The following PDE4B variants were observed in gnomAD, a reference collection of about 807,000 sequenced individuals.
PDE4B encodes the protein 3',5'-cyclic-AMP phosphodiesterase 4B.
Under a neutral mutation model 82.2 loss-of-function variants are expected in PDE4B, and 20 were observed. The ratio of observed to expected loss-of-function variants is 0.24; its 90% CI spans 0.17 to 0.35. The LOEUF (loss-of-function observed/expected upper bound fraction) is 0.35. Among genes scored for constraint, PDE4B ranks in the 10% least tolerant of loss-of-function variants. The pLI, the probability that PDE4B is intolerant of heterozygous loss-of-function variation, is 1.00. For missense variants in PDE4B, 655 were observed against 907.2 expected (o/e 0.72, Z 3.57); for synonymous variants, 320 against 318.9 (o/e 1.00, Z -0.04).
intron 2 of PDE4B, among the ~76,000 whole-genome samples, chr1:65,915,622 G>A (rs1027008810): frequency 6.5e-4 from 99 of 152,228 alleles, no homozygotes; most frequent in African/African-American, 2.2e-3. Context: ...TTCTCATCTG[G>A]ACATTTCAAT....
rs1247778234 is a variant in PDE4B, at chr1:65,844,757, T to C, written c.-71+51509T>C. Among the ~76,000 whole-genome samples, 8 of 152,148 alleles carry C rather than the reference T, an allele frequency of 5.3e-5. No individual in the cohort carries two copies. The East Asian group carries it at 1.5e-3, about 29-fold the overall frequency. On this transcript the variant is annotated intron_variant, in intron 1 of 16. Transcript: ENST00000341517. ...AAGAGATAAAAAGAAGTGGGGAGGA[T>C]ATACTAGGCATTCTCTTCTTCTTGG...
chr1:66,221,867 G>T (rs898746344), intron 3 of PDE4B, among the ~76,000 whole-genome samples: 3 of 149,194 alleles, frequency 2.0e-5, no homozygotes, highest in Non-Finnish European at 4.4e-5. Context: ...AATTTGAAAA[G>T]ATGAACTTCA....
chr1:66,218,091 C>G (rs1006407879), intron 3 of PDE4B, among the ~76,000 whole-genome samples: 3 of 152,102 alleles, frequency 2.0e-5, no homozygotes, highest in African/African-American at 7.2e-5. Context: ...ATTGATTATC[C>G]TTCCAACACC....
At chr1:66,052,512 AG>A (rs1450823944) in intron 3 of PDE4B, among the ~76,000 whole-genome samples, 2 of 151,882 alleles carry the variant, frequency 1.3e-5, no homozygotes, top group East Asian at 3.9e-4. Flanking sequence ...TTAGAACACA[AG>A]AAGTCCTACT....
intron 3 of PDE4B, among the ~76,000 whole-genome samples, chr1:66,184,465 G>C (rs1647138194): frequency 6.6e-6 from 1 of 152,128 alleles, no homozygotes; most frequent in Non-Finnish European, 1.5e-5. Flanking sequence ...GAAAAGCAAA[G>C]AAAAATTTTA....
At chr1:65,825,655 A>G (rs1188240963) in intron 1 of PDE4B, among the ~76,000 whole-genome samples, 2 of 151,972 alleles carry the variant, frequency 1.3e-5, no homozygotes, top group Admixed American at 1.3e-4. Flanking sequence ...AGACCAGCCT[A>G]GGCAACATGG....
chr1:66,062,422 G>A (rs905740425), intron 3 of PDE4B, among the ~76,000 whole-genome samples: 1 of 152,026 alleles, frequency 6.6e-6, no homozygotes, highest in Non-Finnish European at 1.5e-5. Flanking sequence ...TCTCTTAAAA[G>A]AATTCAGAAT....
At chr1:66,071,638 T>C (rs890820958) in intron 3 of PDE4B, among the ~76,000 whole-genome samples, 2 of 152,094 alleles carry the variant, frequency 1.3e-5, no homozygotes, top group Non-Finnish European at 2.9e-5. Flanking sequence ...CTCCTGGCTG[T>C]CACCTCTTGT....
At chr1:65,849,625 C>A (rs184881847) in intron 1 of PDE4B, among the ~76,000 whole-genome samples, 7 of 152,220 alleles carry the variant, frequency 4.6e-5, no homozygotes, top group Non-Finnish European at 8.8e-5. Context: ...TGGCACTCCA[C>A]TGCAAAACTA....
intron 4 of PDE4B, among the ~76,000 whole-genome samples, chr1:66,249,405 C>G (rs1653577315): frequency 6.6e-6 from 1 of 152,188 alleles, no homozygotes; most frequent in African/African-American, 2.4e-5. Context: ...CAGACTCAAG[C>G]CAAACGGCAG....
intron 3 of PDE4B, among the ~76,000 whole-genome samples, chr1:66,243,702 C>G (rs1204520115): frequency 6.6e-6 from 1 of 152,158 alleles, no homozygotes; most frequent in East Asian, 1.9e-4. Context: ...GCCCATCACC[C>G]ACCATCACTG....
intron 3 of PDE4B, among the ~76,000 whole-genome samples, chr1:65,978,832 T>C (rs1429232442): frequency 6.6e-6 from 1 of 152,212 alleles, no homozygotes; most frequent in Non-Finnish European, 1.5e-5. Context: ...TATGCAGATT[T>C]ATAGGTCTCT....
At chr1:66,162,132 C>T (rs974222109) in intron 3 of PDE4B, among the ~76,000 whole-genome samples, 2 of 151,778 alleles carry the variant, frequency 1.3e-5, no homozygotes, top group Admixed American at 6.6e-5. Flanking sequence ...TGAGGATCTA[C>T]GGAAGCTCCA....
chr1:66,186,837 C>T (rs1333261272), intron 3 of PDE4B, among the ~76,000 whole-genome samples: 2 of 152,122 alleles, frequency 1.3e-5, no homozygotes, highest in Admixed American at 6.6e-5. Flanking sequence ...CCTTCTCCTG[C>T]CTAATTGCCC....
At chr1:66,076,825 C>A (rs975121099) in intron 3 of PDE4B, among the ~76,000 whole-genome samples, 4 of 152,004 alleles carry the variant, frequency 2.6e-5, no homozygotes, top group African/African-American at 9.7e-5. Context: ...GAGAAGTGTC[C>A]TTTCATGTTC....
chr1:66,326,127 C>G (rs146996005), intron 7 of PDE4B, among the ~76,000 whole-genome samples: 1 of 152,306 alleles, frequency 6.6e-6, no homozygotes, highest in East Asian at 1.9e-4. Context: ...TGTTGATACC[C>G]ATTGTTATAG....
intron 1 of PDE4B, among the ~76,000 whole-genome samples, chr1:65,894,580 G>A (rs1378708397): frequency 6.6e-6 from 1 of 151,998 alleles, no homozygotes; most frequent in Non-Finnish European, 1.5e-5. Context: ...AAAATAAAAC[G>A]ACATGTCTCA....
intron 3 of PDE4B, among the ~76,000 whole-genome samples, chr1:66,133,039 C>T (rs1178001083): frequency 6.6e-6 from 1 of 152,098 alleles, no homozygotes; most frequent in Non-Finnish European, 1.5e-5. Context: ...GCTTTGAGGG[C>T]ATGCATCAAG....
chr1:65,961,581 C>G (rs1248299464), intron 3 of PDE4B, among the ~76,000 whole-genome samples: 1 of 152,156 alleles, frequency 6.6e-6, no homozygotes, highest in East Asian at 1.9e-4. Context: ...TAATTATCCA[C>G]CATTATACAG....
Sources: allele counts gnomAD v4.1 joint callset (sites outside exome capture counted in the v4.1 genomes callset), GRCh38; gene constraint gnomAD v4.1.1; transcripts MANE v1.5; gene names NCBI Gene and HGNC (gene_info 2026-07-23, HGNC 2026-07-21).